The following GABBR2 variants were observed in gnomAD, a reference collection of about 807,000 sequenced individuals.
GABBR2 encodes the protein G-protein coupled receptor 51.
A neutral mutation model predicts 105.6 loss-of-function variants in GABBR2; 23 were observed. The ratio of observed to expected loss-of-function variants is 0.22; its 90% CI spans 0.16 to 0.31. GABBR2 has a LOEUF of 0.31. Ranked by LOEUF, GABBR2 falls within the 10% of genes least tolerant of loss-of-function variation. GABBR2 has a pLI of 1.00. For missense variants in GABBR2, 734 were observed against 1,245.5 expected (o/e 0.59, Z 6.18); for synonymous variants, 478 against 499.7 (o/e 0.96, Z 0.58).
chr9:98,513,701 A>T (rs1344297483), intron 3 of GABBR2, among the ~76,000 whole-genome samples: 2 of 152,244 alleles, frequency 1.3e-5, no homozygotes, highest in African/African-American at 4.8e-5. Flanking sequence ...TCAAAACCAC[A>T]ATGAGATACC....
intron 4 of GABBR2, among the ~76,000 whole-genome samples, chr9:98,492,835 T>A (rs192382585): frequency 3.3e-4 from 51 of 152,344 alleles, no homozygotes; most frequent in African/African-American, 1.2e-3. Context: ...GCTTTCAATG[T>A]GACTTATCAC....
chr9:98,659,526 CT>C (rs149511264), intron 1 of GABBR2, among the ~76,000 whole-genome samples: 195 of 35,200 alleles, frequency 5.5e-3, no homozygotes, highest in East Asian at 0.026. Flanking sequence ...CTTTTCTTTT[CT>C]TTTTTTTTTT....
At chr9:98,648,947 T>C (rs1306124323) in intron 1 of GABBR2, among the ~76,000 whole-genome samples, 2 of 152,222 alleles carry the variant, frequency 1.3e-5, no homozygotes, top group East Asian at 3.8e-4. Flanking sequence ...TGAGTTACTT[T>C]CCATTTTCCT....
In GABBR2 at chr9:98,521,535, T is replaced by TA. The variant is rs531522360; in HGVS notation, c.630+20337dup. On this transcript the variant is annotated intron_variant, in intron 3 of 18. Transcript: ENST00000259455. ...AAGTCCAGTTTCCCCAGGACAGGCC[T>TA]AGGCACCTTGCAGACACAGCAGGCA... is the stretch of plus-strand genomic sequence containing the variant. Among the ~76,000 whole-genome samples, 63 of 152,268 alleles carry TA rather than the reference T, an allele frequency of 4.1e-4. No homozygotes were observed. In the South Asian group the frequency reaches 7.5e-3, roughly 18 times the overall value.
intron 11 of GABBR2, among the ~76,000 whole-genome samples, chr9:98,372,239 G>A (rs1831797715): frequency 6.6e-6 from 1 of 152,160 alleles, no homozygotes; most frequent in South Asian, 2.1e-4. Flanking sequence ...AGGTCTTAGG[G>A]GCCTCCAGGA....
intron 8 of GABBR2, among the ~76,000 whole-genome samples, chr9:98,402,633 G>A (rs997809485): frequency 6.6e-6 from 1 of 152,178 alleles, no homozygotes; most frequent in African/African-American, 2.4e-5. Flanking sequence ...AGGTGCATGA[G>A]TGAGCAGGTT....
chr9:98,351,451 AC>A (rs1455758429), intron 13 of GABBR2, among the ~76,000 whole-genome samples: 6 of 152,188 alleles, frequency 3.9e-5, no homozygotes, highest in African/African-American at 1.4e-4. Context: ...GAAGGCAGAT[AC>A]CATCCTTTCA....
chr9:98,332,081 G>A (rs3780436), intron 13 of GABBR2, among the ~76,000 whole-genome samples: 5,951 of 152,110 alleles, frequency 0.039, 153 homozygotes, highest in Middle Eastern at 0.044. Context: ...TGAAGGAGCC[G>A]AGCTTTGGGG....
chr9:98,695,717 ACT>A (rs1361936428), intron 1 of GABBR2, among the ~76,000 whole-genome samples: 1 of 151,938 alleles, frequency 6.6e-6, no homozygotes, highest in African/African-American at 2.4e-5. Flanking sequence ...CCTCAAAATA[ACT>A]CTCTCACAGA....
At chr9:98,571,547 G>C (rs1273675299) in intron 2 of GABBR2, among the ~76,000 whole-genome samples, 1 of 152,176 alleles carries the variant, frequency 6.6e-6, no homozygotes, top group African/African-American at 2.4e-5. Context: ...GATCAGCGGG[G>C]AATACAGTCC....
intron 1 of GABBR2, among the ~76,000 whole-genome samples, chr9:98,633,466 T>C (rs1442218527): frequency 6.6e-6 from 1 of 150,868 alleles, no homozygotes; most frequent in East Asian, 2.0e-4. Context: ...CTACTAAAGA[T>C]ACAAAAAAAA....
At chr9:98,407,570 G>C (rs1832513578) in intron 7 of GABBR2, among the ~76,000 whole-genome samples, 1 of 152,144 alleles carries the variant, frequency 6.6e-6, no homozygotes, top group African/African-American at 2.4e-5. Context: ...CTTCTAAAAG[G>C]ATCATTTCTA....
At chr9:98,343,983 A>G (rs1831260717) in intron 13 of GABBR2, among the ~76,000 whole-genome samples, 1 of 152,198 alleles carries the variant, frequency 6.6e-6, no homozygotes, top group Non-Finnish European at 1.5e-5. Flanking sequence ...GCAGTTCATC[A>G]AAACTTCCTC....
chr9:98,334,493 T>C (rs1294213188), intron 13 of GABBR2, among the ~76,000 whole-genome samples: 2 of 152,204 alleles, frequency 1.3e-5, no homozygotes, highest in East Asian at 1.9e-4. Context: ...ATCTCTAAAA[T>C]GGGGATGTCA....
intron 1 of GABBR2, among the ~76,000 whole-genome samples, chr9:98,681,013 C>T (rs1482273445): frequency 1.3e-5 from 2 of 151,962 alleles, no homozygotes; most frequent in Non-Finnish European, 2.9e-5. Flanking sequence ...ACTAGTTCAA[C>T]CATTGTGGAA....
intron 6 of GABBR2, among the ~76,000 whole-genome samples, chr9:98,463,637 C>A (rs551449809): frequency 5.9e-5 from 9 of 152,046 alleles, no homozygotes; most frequent in Admixed American, 3.3e-4. Context: ...GTCTCGCTCT[C>A]GCTCTCCGTC....
intron 6 of GABBR2, among the ~76,000 whole-genome samples, chr9:98,455,825 G>A (rs1011322768): frequency 7.9e-5 from 12 of 152,162 alleles, no homozygotes; most frequent in African/African-American, 2.7e-4. Context: ...AAGTGCCCCC[G>A]GCTGTGAACC....
intron 13 of GABBR2, among the ~76,000 whole-genome samples, chr9:98,346,761 G>A (rs1479602942): frequency 6.6e-6 from 1 of 151,896 alleles, no homozygotes; most frequent in African/African-American, 2.4e-5. Flanking sequence ...CAGTACCCAC[G>A]ATTCTACCCT....
At chr9:98,650,511 G>T (rs546436841) in intron 1 of GABBR2, among the ~76,000 whole-genome samples, 4 of 152,234 alleles carry the variant, frequency 2.6e-5, no homozygotes, top group African/African-American at 9.6e-5. Context: ...CAGATAGTGG[G>T]ACACTACAGG....
Sources: allele counts gnomAD v4.1 joint callset (sites outside exome capture counted in the v4.1 genomes callset), GRCh38; gene constraint gnomAD v4.1.1; transcripts MANE v1.5; gene names NCBI Gene and HGNC (gene_info 2026-07-23, HGNC 2026-07-21).